The following SPEF2 variants were observed in gnomAD, a reference collection of about 807,000 sequenced individuals.
SPEF2 encodes sperm flagella and cilia-associated protein 2.
A neutral mutation model predicts 224.6 loss-of-function variants in SPEF2; 187 were observed. The observed-to-expected ratio is 0.83, with a 90% CI of 0.74 to 0.94. SPEF2 has a LOEUF of 0.94. SPEF2 is among the 40% of genes least tolerant of loss of function. The pLI, the probability that SPEF2 is intolerant of heterozygous loss-of-function variation, is 0.00. For missense variants in SPEF2, 2,170 were observed against 2,135.6 expected, an observed-to-expected ratio of 1.02 and a Z score of -0.32; for synonymous variants, 715 against 707.3, an observed-to-expected ratio of 1.01 and a Z score of -0.17.
At chr5:35,645,117 G>A (rs766097448) in intron 4 of SPEF2, among the ~76,000 whole-genome samples, 14 of 152,120 alleles carry the variant, frequency 9.2e-5, no homozygotes, top group Non-Finnish European at 1.8e-4. Flanking sequence ...GTGGGTGAGA[G>A]AATAATGGTA....
At chr5:35,761,729 C>A (rs1026082854) in intron 25 of SPEF2, among the ~76,000 whole-genome samples, 1 of 152,136 alleles carries the variant, frequency 6.6e-6, no homozygotes, top group African/African-American at 2.4e-5. Context: ...CTAGAACCAT[C>A]AAAAGAGGCC....
intron 16 of SPEF2, among the ~76,000 whole-genome samples, chr5:35,703,259 G>C (rs939757598): frequency 6.6e-6 from 1 of 152,044 alleles, no homozygotes; most frequent in Non-Finnish European, 1.5e-5. Flanking sequence ...TTAAAAAAAT[G>C]ATATCATTTA....
rs774278389 is a variant in SPEF2, at chr5:35,814,527, T to G, written c.5443T>G (p.Ser1815Ala). 1.4e-5 allele frequency: 23 copies of G among 1,607,824 alleles called. No individual in the cohort carries two copies. Among genetic ancestry groups the G allele is most frequent in the Non-Finnish European group, 2.0e-5 (23 of 1,176,396 alleles). ...AGGAAGTGATGGAGAGAGATCACCT[T>G]CAAGACATACAGAGGAAAAGAAATG... ...VQGSDGERSPSRHTEEKK is the reference protein window; with the variant it reads ...VQGSDGERSPARHTEEKK Residue 1815 changes from serine (S) to alanine (A), a missense_variant, in exon 37 of 37, where the codon TCA becomes GCA. Transcript: ENST00000356031.
chr5:35,645,543 C>A (rs1747245476), intron 4 of SPEF2, among the ~76,000 whole-genome samples: 1 of 151,986 alleles, frequency 6.6e-6, no homozygotes, highest in African/African-American at 2.4e-5. Flanking sequence ...TATGACTTGC[C>A]AGAGGGTAAA....
intron 10 of SPEF2, among the ~76,000 whole-genome samples, chr5:35,681,223 C>T (rs1189434803): frequency 6.6e-6 from 1 of 152,072 alleles, no homozygotes; most frequent in African/African-American, 2.4e-5. Context: ...TTAAGAACAG[C>T]AATTGTACAA....
intron 20 of SPEF2, among the ~76,000 whole-genome samples, chr5:35,714,446 T>G (rs1470872921): frequency 1.3e-5 from 2 of 151,968 alleles, no homozygotes; most frequent in African/African-American, 4.8e-5. Flanking sequence ...TATTTGGATA[T>G]GTACTCTGTA....
chr5:35,684,694 T>C (rs1335496742), intron 10 of SPEF2, among the ~76,000 whole-genome samples: 2 of 152,214 alleles, frequency 1.3e-5, no homozygotes, highest in Non-Finnish European at 2.9e-5. Context: ...GTTATTATGC[T>C]GCAAAGATGA....
chr5:35,778,332 G>T (rs1037562057), intron 29 of SPEF2, among the ~76,000 whole-genome samples: 1 of 152,050 alleles, frequency 6.6e-6, no homozygotes, highest in Non-Finnish European at 1.5e-5. Context: ...AATCTTTGCC[G>T]TATATGAGTT....
chr5:35,754,398 G>A (rs1750142948), intron 24 of SPEF2, among the ~76,000 whole-genome samples: 1 of 152,174 alleles, frequency 6.6e-6, no homozygotes, highest in South Asian at 2.1e-4. Flanking sequence ...AGGTTAGAGG[G>A]TATGGGTCAT....
intron 16 of SPEF2, 48 bp from the exon 17 acceptor site, chr5:35,704,506 C>T: frequency 7.7e-7 from 1 of 1,290,860 alleles, no homozygotes; most frequent in Non-Finnish European, 1.1e-6. Flanking sequence ...CAGTAAGTAG[C>T]AACTTTGGTT....
intron 20 of SPEF2, among the ~76,000 whole-genome samples, chr5:35,726,104 G>A (rs528729372): frequency 1.4e-4 from 22 of 152,248 alleles, no homozygotes; most frequent in South Asian, 6.2e-4. Flanking sequence ...ATTCACTAAC[G>A]CATAGATACA....
At chr5:35,682,055 T>A (rs777877980) in intron 10 of SPEF2, among the ~76,000 whole-genome samples, 10 of 152,148 alleles carry the variant, frequency 6.6e-5, no homozygotes, top group Non-Finnish European at 1.2e-4. Flanking sequence ...ACTTTAAGTA[T>A]TACAAAGTGC....
chr5:35,653,979 G>A (rs1434275208), intron 6 of SPEF2, among the ~76,000 whole-genome samples: 3 of 147,158 alleles, frequency 2.0e-5, no homozygotes, highest in Non-Finnish European at 4.5e-5. Context: ...AAAATAACAG[G>A]CTGGGCACAG....
intron 10 of SPEF2, among the ~76,000 whole-genome samples, chr5:35,685,119 C>T (rs1753398998): frequency 6.6e-6 from 1 of 152,008 alleles, no homozygotes; most frequent in African/African-American, 2.4e-5. Flanking sequence ...CTAGAAAAAA[C>T]AAAGGCAGTA....
At chr5:35,767,388 T>G (rs1752229637) in intron 26 of SPEF2, among the ~76,000 whole-genome samples, 1 of 152,026 alleles carries the variant, frequency 6.6e-6, no homozygotes, top group African/African-American at 2.4e-5. Flanking sequence ...CTTTTCTGCT[T>G]TTTTTCCCCT....
At chr5:35,684,503 A>G (rs191921003) in intron 10 of SPEF2, among the ~76,000 whole-genome samples, 3 of 152,294 alleles carry the variant, frequency 2.0e-5, no homozygotes, top group African/African-American at 7.2e-5. Flanking sequence ...GAAGAGGTCT[A>G]TTCGGATTTT....
At chr5:35,692,760 T>C (rs1561206897) in intron 12 of SPEF2, 36 bp downstream of exon 12, 1 of 1,587,876 alleles carries the variant, frequency 6.3e-7, no homozygotes. Flanking sequence ...CTGCGCCTAG[T>C]ACATTAGAGA....
chr5:35,794,850 T>C (rs2149838356), intron 32 of SPEF2, among the ~76,000 whole-genome samples: 1 of 152,286 alleles, frequency 6.6e-6, no homozygotes, highest in South Asian at 2.1e-4. Flanking sequence ...CAATACTTCT[T>C]TGAACACTAC....
Position 35,727,741 on chromosome 5 carries a change from A to G in SPEF2, c.2981A>G (p.Asp994Gly). 6 of 1,613,908 alleles carry G rather than the reference A, an allele frequency of 3.7e-6. No individual in the cohort carries two copies. The highest frequency in any genetic ancestry group is 1.3e-5 in the African/African-American group (1 of 75,042). ...PVKKSPADST[D>G]TSPVAIVPQP... ...AAGAAATCACCTGCTGACTCTACAG[A>G]TACATCACCTGTTGCAATAGTGCCA... Residue 994 changes from aspartate (D) to glycine (G), a missense_variant, in exon 21 of 37, where the codon GAT (aspartate) becomes GGT (glycine). Asp to Gly is a moderately conservative substitution (Grantham distance 94). Coordinates refer to ENST00000356031, the MANE Select transcript of SPEF2 (RefSeq NM_024867.4).
Sources: gnomAD v4.1 joint callset for allele counts (sites outside exome capture counted in the v4.1 genomes callset) on GRCh38, gnomAD v4.1.1 for gene constraint, MANE v1.5 for transcripts, NCBI Gene and HGNC (gene_info 2026-07-23, HGNC 2026-07-21) for gene names.